The following CACNA2D3 variants were observed in gnomAD, a reference collection of about 807,000 sequenced individuals.
CACNA2D3 encodes calcium voltage-gated channel auxiliary subunit alpha2delta 3.
Under a neutral mutation model 160.6 loss-of-function variants are expected in CACNA2D3, and 60 were observed. That is an observed-to-expected ratio of 0.37 (90% CI 0.30 to 0.46). The LOEUF (loss-of-function observed/expected upper bound fraction) is 0.46. Among genes scored for constraint, CACNA2D3 ranks in the 20% least tolerant of loss-of-function variants. CACNA2D3 has a pLI of 1.00. For synonymous variants in CACNA2D3, 558 were observed against 492.9 expected (o/e 1.13, Z -1.75); for missense variants, 1,205 against 1,365.0 (o/e 0.88, Z 1.85).
At position 54,878,162 on chromosome 3, in the gene CACNA2D3, C is replaced by G. The variant is rs369362640; in HGVS notation, c.1711-856C>G. ...AGTTTTCTATCGGCCAGATCTTACT[C>G]AAGCTCCTCAAAGGAGAAAAGAGGG... On this transcript the variant is annotated intron_variant, in intron 18 of 37. Transcript: ENST00000474759. Among the ~76,000 whole-genome samples, 136 of 152,188 alleles carry G rather than the reference C, an allele frequency of 8.9e-4. 1 individual carries two copies. The highest frequency in any genetic ancestry group is 2.7e-3 in the Admixed American group (41 of 15,294).
intron 25 of CACNA2D3, 53 bp from the exon 26 acceptor site, chr3:54,896,696 C>T: frequency 6.2e-7 from 1 of 1,612,476 alleles, no homozygotes; most frequent in Admixed American, 1.7e-5. Context: ...GCTCCAGGCC[C>T]ACCTTTACTC....
At chr3:54,622,495 G>A (rs553651897) in intron 9 of CACNA2D3, among the ~76,000 whole-genome samples, 1 of 152,104 alleles carries the variant, frequency 6.6e-6, no homozygotes, top group African/African-American at 2.4e-5. Context: ...CAGGACGGTT[G>A]CGATCTCCTG....
At chr3:54,575,760 G>A (rs1354661039) in intron 8 of CACNA2D3, among the ~76,000 whole-genome samples, 2 of 152,214 alleles carry the variant, frequency 1.3e-5, no homozygotes, top group African/African-American at 4.8e-5. Context: ...GTGGACACTT[G>A]AAGATAAGTA....
At chr3:54,325,351 C>T (rs1220832232) in intron 3 of CACNA2D3, among the ~76,000 whole-genome samples, 2 of 152,124 alleles carry the variant, frequency 1.3e-5, no homozygotes, top group African/African-American at 4.8e-5. Flanking sequence ...GCAGATAAAC[C>T]AGGAAATGAC....
At chr3:54,797,477 C>T (rs1702889117) in intron 13 of CACNA2D3, among the ~76,000 whole-genome samples, 2 of 152,204 alleles carry the variant, frequency 1.3e-5, no homozygotes, top group Admixed American at 6.5e-5. Flanking sequence ...GAGAGGCTTA[C>T]GATTCAGCCA....
At chr3:54,821,777 A>T (rs1450248758) in intron 14 of CACNA2D3, among the ~76,000 whole-genome samples, 1 of 149,226 alleles carries the variant, frequency 6.7e-6, no homozygotes, top group Non-Finnish European at 1.5e-5. Context: ...ACAAATTTGT[A>T]CAAGTAGAAT....
intron 10 of CACNA2D3, chr3:54,639,963 G>A (rs1699477445): frequency 6.5e-6 from 1 of 153,798 alleles, no homozygotes; most frequent in Admixed American, 6.5e-5. Flanking sequence ...GGGTCGCAAG[G>A]TGCTCAGTGG....
chr3:54,279,612 C>A (rs545813288), intron 2 of CACNA2D3, among the ~76,000 whole-genome samples: 4 of 152,248 alleles, frequency 2.6e-5, no homozygotes, highest in African/African-American at 9.6e-5. Context: ...CCATCTCTGT[C>A]CCCCTGTCTG....
intron 11 of CACNA2D3, among the ~76,000 whole-genome samples, chr3:54,707,066 G>T (rs530826129): frequency 6.6e-6 from 1 of 152,120 alleles, no homozygotes; most frequent in Admixed American, 6.5e-5. Flanking sequence ...TAAGTAATGC[G>T]TAGAAGGCGT....
At chr3:54,963,288 C>T (rs1559646843) in intron 27 of CACNA2D3, among the ~76,000 whole-genome samples, 1 of 151,978 alleles carries the variant, frequency 6.6e-6, no homozygotes, top group Admixed American at 6.5e-5. Flanking sequence ...GTAGTATGGA[C>T]GGGTTTGTGG....
intron 11 of CACNA2D3, among the ~76,000 whole-genome samples, chr3:54,684,336 G>T (rs1400873073): frequency 6.6e-6 from 1 of 152,168 alleles, no homozygotes; most frequent in African/African-American, 2.4e-5. Context: ...CAACTTGACT[G>T]TATCTGCGAA....
intron 4 of CACNA2D3, among the ~76,000 whole-genome samples, chr3:54,474,500 A>C (rs1700793873): frequency 6.6e-6 from 1 of 152,168 alleles, no homozygotes; most frequent in African/African-American, 2.4e-5. Flanking sequence ...GTACCTGTGT[A>C]ACAAACCTTC....
chr3:54,865,577 G>C (rs2106809259), intron 17 of CACNA2D3, among the ~76,000 whole-genome samples: 1 of 152,376 alleles, frequency 6.6e-6, no homozygotes. Flanking sequence ...CTCTGCCACA[G>C]GCCCCTCTGG....
intron 4 of CACNA2D3, among the ~76,000 whole-genome samples, chr3:54,433,550 T>A (rs1357875489): frequency 1.3e-5 from 2 of 151,980 alleles, no homozygotes; most frequent in African/African-American, 4.8e-5. Context: ...AGCAAAGGAG[T>A]ATCTCCATTA....
rs570452130 is a variant in CACNA2D3 at position 54,977,778 on chromosome 3, T to C, written c.2557-6830T>C. On this transcript the variant is annotated intron_variant, in intron 29 of 37. Coordinates refer to ENST00000474759, the MANE Select transcript of CACNA2D3 (RefSeq NM_018398.3). Reference sequence around the variant, plus strand: ...TCCCAATCCAGACCCCAAGAGAGGGTTCTTGGACCTCATACAAGAAAGAAT... The same window carrying C: ...TCCCAATCCAGACCCCAAGAGAGGGCTCTTGGACCTCATACAAGAAAGAAT... Among the ~76,000 whole-genome samples, 146 of 152,220 alleles carry C rather than the reference T, an allele frequency of 9.6e-4. 1 individual carries two copies. Among genetic ancestry groups the C allele is most frequent in the African/African-American group, 3.3e-3 (137 of 41,532 alleles).
intron 2 of CACNA2D3, among the ~76,000 whole-genome samples, chr3:54,223,111 A>G (rs914337234): frequency 6.6e-6 from 1 of 152,196 alleles, no homozygotes; most frequent in African/African-American, 2.4e-5. Context: ...TAGATATTAC[A>G]AAGTGCATAT....
chr3:54,206,167 C>T (rs1701273227), intron 2 of CACNA2D3, among the ~76,000 whole-genome samples: 2 of 152,178 alleles, frequency 1.3e-5, no homozygotes, highest in South Asian at 4.1e-4. Context: ...GGGGAGTGGT[C>T]TCATTCTCTT....
At chr3:54,811,629 C>G (rs1231929221) in intron 13 of CACNA2D3, among the ~76,000 whole-genome samples, 3 of 151,910 alleles carry the variant, frequency 2.0e-5, no homozygotes, top group Non-Finnish European at 4.4e-5. Flanking sequence ...TCCCAAGTAG[C>G]TGGGATTACA....
At chr3:54,351,595 G>A (rs1225407670) in intron 3 of CACNA2D3, among the ~76,000 whole-genome samples, 3 of 152,130 alleles carry the variant, frequency 2.0e-5, no homozygotes, top group South Asian at 2.1e-4. Flanking sequence ...TCCATTTTGT[G>A]TTTATAAGGT....
Sources: allele counts gnomAD v4.1 joint callset (sites outside exome capture counted in the v4.1 genomes callset), GRCh38; gene constraint gnomAD v4.1.1; transcripts MANE v1.5; gene names NCBI Gene and HGNC (gene_info 2026-07-23, HGNC 2026-07-21).